Variants in ZNF296 observed in about 807,000 individuals in gnomAD.
ZNF296 encodes the protein zinc finger protein 342.
In ZNF296, 1 loss-of-function variant was observed where a neutral mutation model predicts 13.2. The observed-to-expected ratio is 0.08, with a 90% CI of 0.03 to 0.36. The LOEUF is 0.36. Ranked by LOEUF, ZNF296 falls within the 10% of genes least tolerant of loss-of-function variation. ZNF296 has a pLI of 0.99. For missense variants in ZNF296, 555 were observed against 688.2 expected (o/e 0.81, Z 2.16); for synonymous variants, 303 against 289.0 (o/e 1.05, Z -0.49).
intron 1 of ZNF296, 65 bp from the exon 2 acceptor site, chr19:45,075,927 G>T: frequency 6.2e-7 from 1 of 1,601,758 alleles, no homozygotes; most frequent in African/African-American, 1.3e-5. Flanking sequence ...GGTGCTGAAG[G>T]AGAGGGGAAA....
rs140130397 is a variant in ZNF296, at chr19:45,072,246, G to A, written c.783C>T (p.Cys261=). Residue 261 remains cysteine (C), a synonymous_variant, in exon 3 of 3, where the codon TGC becomes TGT. Transcript: ENST00000303809. ...RSHTGERPYA[C]DQCPYACAQS... Reference sequence around the variant, plus strand: ...GGGCGCAGGCGTAGGGACACTGGTCGCAAGCATAGGGCCGCTCGCCTGTGT... The same window carrying A: ...GGGCGCAGGCGTAGGGACACTGGTCACAAGCATAGGGCCGCTCGCCTGTGT... 7.4e-6 allele frequency: 12 copies of A among 1,613,424 alleles called. No individual in the cohort carries two copies. Among genetic ancestry groups the A allele is most frequent in the African/African-American group, 2.7e-5 (2 of 74,976 alleles).
In ZNF296 at chr19:45,072,354, G is replaced by T. The variant is rs1967272323; in HGVS notation, c.675C>A (p.Gly225=). The change falls in exon 3 of 3, where the codon GGC becomes GGA. Residue 225 remains glycine (G), a synonymous_variant. Transcript: ENST00000303809. ...EAKSPRASGS[G]LTRRSPTCPV... is the part of the protein sequence containing the mutation. The stretch of plus-strand genomic sequence containing the variant: ...GACAGGTGGGGCTCCGCCGGGTGAG[G>T]CCGCTGCCACTTGCACGGGGGCTCT... 1 of 1,612,622 alleles carries T rather than the reference G, an allele frequency of 6.2e-7. No homozygotes were observed. Among genetic ancestry groups the T allele is most frequent in the African/African-American group, 1.3e-5 (1 of 75,052 alleles).
Position 45,075,719 on chromosome 19 carries a change from C to G in ZNF296, c.442G>C (p.Gly148Arg). 1 of 1,613,962 alleles carries G rather than the reference C, an allele frequency of 6.2e-7. No homozygotes were observed. Among genetic ancestry groups the G allele is most frequent in the Non-Finnish European group, 8.5e-7 (1 of 1,179,968 alleles). The change falls in exon 2 of 3, where the codon GGC (glycine) becomes CGC (arginine). Residue 148 changes from glycine (G) to arginine (R), a missense_variant. This residue lies in a region of ZNF296 where 410 missense variants were observed against 548.0 expected (regional missense o/e 0.75). Coordinates refer to ENST00000303809, the MANE Select transcript of ZNF296 (RefSeq NM_145288.3). ...QLFRGPSRGQGSEREELKALS... is the reference protein window; with the variant it reads ...QLFRGPSRGQRSEREELKALS... ...TGCACCCGGCTTTACTCACCTGAGC[C>G]CTGGCCGCGGCTGGGGCCTCTGAAG...
At chr19:45,072,815 G>C (rs941721409) in intron 2 of ZNF296, among the ~76,000 whole-genome samples, 5 of 152,056 alleles carry the variant, frequency 3.3e-5, no homozygotes, top group African/African-American at 1.2e-4. Flanking sequence ...AGGCTGGGGT[G>C]CAGTGGCACG....
Position 45,071,945 on chromosome 19 carries a change from CAG to C in ZNF296, c.1082_1083del (p.Thr361ArgfsTer28). The C allele has an allele frequency of 6.2e-7, 1 of 1,613,738 alleles. No homozygotes were observed. Among genetic ancestry groups the C allele is most frequent in the Non-Finnish European group, 8.5e-7 (1 of 1,180,022 alleles). On this transcript the variant is annotated frameshift_variant, in exon 3 of 3. Transcript: ENST00000303809. LOFTEE classifies it low-confidence loss of function (END_TRUNC). ...GATGCCTTCTGGCTGTTTGCAGGGT[CAG>C]TTCTTTGTTCCGTGGTGATGGCTCC... ...TWGAITTEQRTDPANSQKASP... is the reference protein window; with the variant it reads ...TWGAITTEQRXDPANSQKASP...
intron 2 of ZNF296, 49 bp downstream of exon 2, chr19:45,075,641 CAGCCCAGCCCCTTTCCAGCAGGA>C (rs1967331812): frequency 6.4e-7 from 1 of 1,568,964 alleles, no homozygotes; most frequent in African/African-American, 1.4e-5. Context: ...CCCTGCCGTC[CAGCCCAGCCCCTTTCCAGCAGGA>C]AGCCCAGCCC....
At chr19:45,073,263 G>A (rs1299760178) in intron 2 of ZNF296, among the ~76,000 whole-genome samples, 1 of 151,682 alleles carries the variant, frequency 6.6e-6, no homozygotes, top group African/African-American at 2.4e-5. Context: ...CCAGACTACT[G>A]GGGGAGGGGG....
At chr19:45,073,405 C>A (rs535240004) in intron 2 of ZNF296, among the ~76,000 whole-genome samples, 1 of 144,158 alleles carries the variant, frequency 6.9e-6, no homozygotes, top group Non-Finnish European at 1.5e-5. Context: ...GAGCCTTGCT[C>A]TGTCGCCCAG....
At position 45,072,039 on chromosome 19, in the gene ZNF296, T is replaced by C; in HGVS notation, c.990A>G (p.Thr330=). Reference sequence around the variant, plus strand: ...GAGCCCCGGGTTCCTGGACACCTGCTGTGGCGGCGGCTCCAGCCCCCTCAC... The same window carrying C: ...GAGCCCCGGGTTCCTGGACACCTGCCGTGGCGGCGGCTCCAGCCCCCTCAC... ...SGGEGAGAAA[T]AGVQEPGAPG... Residue 330 remains threonine, a synonymous_variant, in exon 3 of 3, where the codon ACA becomes ACG. Transcript: ENST00000303809. 6.2e-7 allele frequency: 1 copy of C among 1,612,880 alleles called. No individual in the cohort carries two copies. The highest frequency in any genetic ancestry group is 8.5e-7 in the Non-Finnish European group (1 of 1,179,968).
At chr19:45,074,458 G>A (rs1363325554) in intron 2 of ZNF296, among the ~76,000 whole-genome samples, 2 of 152,110 alleles carry the variant, frequency 1.3e-5, no homozygotes, top group Non-Finnish European at 2.9e-5. Flanking sequence ...CTCAAATTGA[G>A]CCCCCAAACC....
At position 45,076,003 on chromosome 19, in the gene ZNF296, C is replaced by T. The variant is rs1967339882; in HGVS notation, c.298+73G>A. 6.4e-7 allele frequency: 1 copy of T among 1,567,588 alleles called. No homozygotes were observed. Among genetic ancestry groups the T allele is most frequent in the Admixed American group, 2.0e-5 (1 of 49,196 alleles). On this transcript the variant is annotated intron_variant, in intron 1 of 2. Coordinates refer to ENST00000303809, the MANE Select transcript of ZNF296 (RefSeq NM_145288.3). This position sits in a 1 kb window ranked among gnomAD's most constrained non-coding sequence, Gnocchi z 4.9. ...AGGAGATAAGGCAGGGCGAGGGGCC[C>T]ATGCCCAAAGGGAAGGGTCCCACCC...
rs748507391 is a variant in ZNF296 at position 45,072,159 on chromosome 19, G to A, written c.870C>T (p.Leu290=). The change falls in exon 3 of 3, where the codon CTC becomes CTT. Residue 290 remains leucine (L), a synonymous_variant. Coordinates refer to ENST00000303809, the MANE Select transcript of ZNF296 (RefSeq NM_145288.3). ...CCTGCTCCTGGCTGGTGTCGGCCAT[G>A]AGGGGGCTCTGGGGCGGCACCTGCC... ...THRQVPPQSP[L]MADTSQEQAS... The A allele has an allele frequency of 6.2e-7, 1 of 1,604,378 alleles. No individual in the cohort carries two copies. The highest frequency in any genetic ancestry group is 1.1e-5 in the South Asian group (1 of 90,212).
Position 45,075,850 on chromosome 19 carries a change from C to A in ZNF296, c.311G>T (p.Trp104Leu). Reference protein sequence around the residue: ...LTPNYPDRQPWTDKHPDLLTC... With the variant: ...LTPNYPDRQPLTDKHPDLLTC... ...CAACAGATCTGGGTGTTTGTCGGTC[C>A]AGGGCTGGCGGTCTGCAGGGAGGAA... Residue 104 changes from tryptophan (W) to leucine (L), a missense_variant, in exon 2 of 3, where the codon TGG becomes TTG. This residue lies in a region of ZNF296 where 410 missense variants were observed against 548.0 expected (regional missense o/e 0.75). Transcript: ENST00000303809. 6.2e-7 allele frequency: 1 copy of A among 1,613,938 alleles called. No individual in the cohort carries two copies. Among genetic ancestry groups the A allele is most frequent in the Non-Finnish European group, 8.5e-7 (1 of 1,179,986 alleles).
rs545548035 is a variant in ZNF296 at position 45,071,751 on chromosome 19, G to A, written c.1278C>T (p.Ser426=). 9.9e-6 allele frequency: 16 copies of A among 1,611,926 alleles called. No homozygotes were observed. The highest frequency in any genetic ancestry group is 2.2e-5 in the South Asian group (2 of 91,024). The change falls in exon 3 of 3, where the codon AGC becomes AGT. Residue 426 remains serine (S), a synonymous_variant. Coordinates refer to ENST00000303809, the MANE Select transcript of ZNF296 (RefSeq NM_145288.3). ...CEFCNYACAQ[S]SKLNRHRRMH... The stretch of plus-strand genomic sequence containing the variant: ...TGCGGCGGTGGCGGTTGAGCTTACT[G>A]CTCTGGGCGCAGGCGTAGTTGCAGA...
Position 45,072,494 on chromosome 19 carries a change from C to A in ZNF296, c.535G>T (p.Asp179Tyr). Residue 179 changes from aspartate to tyrosine, a missense_variant, in exon 3 of 3, where the codon GAC becomes TAC. Coordinates refer to ENST00000303809, the MANE Select transcript of ZNF296 (RefSeq NM_145288.3). ...GTCTGGTAGATGGACAGTCCGTGGT[C>A]CCACTGGGCGTGACGCAGCAGCTTC... Reference protein sequence around the residue: ...AWKLLRHAQWDHGLSIYQTES... With the variant: ...AWKLLRHAQWYHGLSIYQTES... The A allele has an allele frequency of 6.2e-7, 1 of 1,613,642 alleles. No individual in the cohort carries two copies. The highest frequency in any genetic ancestry group is 8.5e-7 in the Non-Finnish European group (1 of 1,180,026).
Position 45,072,455 on chromosome 19 carries a change from G to GGGCCTCTGA in ZNF296, c.565_573dup (p.Ser189_Ala191dup), listed in dbSNP as rs1385874931. 6.2e-7 allele frequency: 1 copy of GGGCCTCTGA among 1,613,098 alleles called. No individual in the cohort carries two copies. ...GCCAGGCCCAGGAGCGGGGCCTCCG[G>GGGCCTCTGA]GGCCTCTGATTCTGTCTGGTAGATG... is the stretch of plus-strand genomic sequence containing the variant. On this transcript the variant is annotated inframe_insertion, in exon 3 of 3. Transcript: ENST00000303809.
Position 45,075,723 on chromosome 19 carries a change from G to C in ZNF296, c.438C>G (p.Gly146=). 6.2e-7 allele frequency: 1 copy of C among 1,614,046 alleles called. No homozygotes were observed. Among genetic ancestry groups the C allele is most frequent in the Non-Finnish European group, 8.5e-7 (1 of 1,179,994 alleles). Residue 146 remains glycine, a synonymous_variant, in exon 2 of 3, where the codon GGC becomes GGG. Coordinates refer to ENST00000303809, the MANE Select transcript of ZNF296 (RefSeq NM_145288.3). The part of the protein sequence containing the change: ...GCQLFRGPSR[G]QGSEREELKA... ...CCCGGCTTTACTCACCTGAGCCCTG[G>C]CCGCGGCTGGGGCCTCTGAAGAGCT... is the stretch of plus-strand genomic sequence containing the variant.
At position 45,072,179 on chromosome 19, in the gene ZNF296, C is replaced by T; in HGVS notation, c.850G>A (p.Val284Met). Residue 284 changes from valine (V) to methionine (M), a missense_variant, in exon 3 of 3, where the codon GTG becomes ATG. Physicochemically the swap from Val to Met is conservative, Grantham distance 21. Around this residue, in one of 3 missense-constraint regions of ZNF296, gnomAD observed 410 missense variants for 548.0 expected, o/e 0.75. Coordinates refer to ENST00000303809, the MANE Select transcript of ZNF296 (RefSeq NM_145288.3). Reference sequence around the variant, plus strand: ...GCCATGAGGGGGCTCTGGGGCGGCACCTGCCGGTGGGTCTTCTTGTGGCGG... The same window carrying T: ...GCCATGAGGGGGCTCTGGGGCGGCATCTGCCGGTGGGTCTTCTTGTGGCGG... ...LNRHKKTHRQ[V>M]PPQSPLMADT... The T allele has an allele frequency of 1.3e-6, 2 of 1,599,970 alleles. No individual in the cohort carries two copies. Among genetic ancestry groups the T allele is most frequent in the African/African-American group, 1.4e-5 (1 of 74,072 alleles).
Position 45,076,300 on chromosome 19 carries a change from A to G in ZNF296, c.74T>C (p.Met25Thr). The G allele has an allele frequency of 6.9e-7, 1 of 1,441,192 alleles. No individual in the cohort carries two copies. The allele number at this position is 1,441,192 out of a possible 1,614,324, so 89.3% of individuals were successfully genotyped here. A position where few individuals can be genotyped will look rare whatever the true frequency, so the allele number is the denominator to read the frequency against. ...TTCGATGACGAGGTCCTGCATTTCC[A>G]TCTCGTCGTCTGGGTTGGCGGCGGG... ...PAPAANPDDE[M>T]EMQDLVIELK... is the part of the protein sequence containing the mutation. Residue 25 changes from methionine to threonine, a missense_variant, in exon 1 of 3, where the codon ATG becomes ACG. Physicochemically the swap from Met to Thr is moderately conservative, Grantham distance 81. Coordinates refer to ENST00000303809, the MANE Select transcript of ZNF296 (RefSeq NM_145288.3). The surrounding 1 kb of genome is among the most constrained non-coding windows in gnomAD (Gnocchi z 4.9).
Sources: gnomAD v4.1 joint callset for allele counts (sites outside exome capture counted in the v4.1 genomes callset) on GRCh38, gnomAD v4.1.1 for gene constraint, gnomAD v4.1.1 regional missense constraint, Gnocchi (gnomAD v3.1) non-coding constraint, MANE v1.5 for transcripts, NCBI Gene and HGNC (gene_info 2026-07-23, HGNC 2026-07-21) for gene names.